The following FREM3 variants were observed in gnomAD, a reference collection of about 807,000 sequenced individuals.
FREM3 encodes FRAS1 related extracellular matrix 3, also known as FRAS1-related extracellular matrix protein 3.
FREM3 carries 105 observed loss-of-function variants against 129.1 expected under a neutral mutation model. That is an observed-to-expected ratio of 0.81 (90% CI 0.69 to 0.96). The LOEUF (loss-of-function observed/expected upper bound fraction) is 0.96, where lower values mean the gene tolerates loss of function less well. Among genes scored for constraint, FREM3 ranks in the 40% least tolerant of loss-of-function variants. FREM3 has a pLI of 0.00. For synonymous variants in FREM3, 1,014 were observed against 1,044.9 expected (o/e 0.97, Z 0.57); for missense variants, 2,593 against 2,666.3 (o/e 0.97, Z 0.61).
chr4:143,672,767 AT>A (rs1740022858), intron 2 of FREM3, among the ~76,000 whole-genome samples: 1 of 152,030 alleles, frequency 6.6e-6, no homozygotes, highest in Non-Finnish European at 1.5e-5. Context: ...ATAGTCCCAT[AT>A]TTCTTGGAGG....
At chr4:143,676,432 A>G (rs545880158) in intron 2 of FREM3, among the ~76,000 whole-genome samples, 1 of 152,302 alleles carries the variant, frequency 6.6e-6, no homozygotes, top group African/African-American at 2.4e-5. Context: ...CACAGCCAAT[A>G]TCATACTGAA....
rs867870539 is a variant in FREM3 at position 143,699,297 on chromosome 4, C to T, written c.1379G>A (p.Ser460Asn). ...CACCTCTTCCAGGTTATCTTTATCACTGATAGGAATGCTGTGGGTGCTGGA... is the reference window on the plus strand; with the variant it reads ...CACCTCTTCCAGGTTATCTTTATCATTGATAGGAATGCTGTGGGTGCTGGA... ...PLSSTHSIPI[S>N]DKDNLEEVKM... The change falls in exon 1 of 8, where the codon AGT becomes AAT. Residue 460 changes from serine to asparagine, a missense_variant. By Grantham distance (46) the Ser-to-Asn change is conservative. Around this residue, in one of 2 missense-constraint regions of FREM3, gnomAD observed 2,276 missense variants for 2,267.2 expected, o/e 1.00. Coordinates refer to ENST00000329798, the MANE Select transcript of FREM3 (RefSeq NM_001168235.2). The surrounding 1 kb of genome is among the most constrained non-coding windows in gnomAD (Gnocchi z 4.2). 4 of 1,537,390 alleles carry T rather than the reference C, an allele frequency of 2.6e-6. No individual in the cohort carries two copies. Among genetic ancestry groups the T allele is most frequent in the Non-Finnish European group, 3.5e-6 (4 of 1,146,956 alleles).
In FREM3 at chr4:143,632,751, G is replaced by T. The variant is rs542675676; in HGVS notation, c.5276-4991C>A. On this transcript the variant is annotated intron_variant, in intron 2 of 7. Coordinates refer to ENST00000329798, the MANE Select transcript of FREM3 (RefSeq NM_001168235.2). ...TTTGGCTTCCCTGGGCCACATTGGAGGAAGAAGAATTATCTTAGGTCATAC... is the reference window on the plus strand; with the variant it reads ...TTTGGCTTCCCTGGGCCACATTGGATGAAGAAGAATTATCTTAGGTCATAC... 3.9e-5 allele frequency among the ~76,000 whole-genome samples: 6 copies of T among 152,164 alleles called. No homozygotes were observed. The South Asian group carries it at 1.0e-3, about 26-fold the overall frequency.
chr4:143,592,709 A>G (rs976743375), intron 6 of FREM3, among the ~76,000 whole-genome samples: 18 of 152,032 alleles, frequency 1.2e-4, no homozygotes, highest in Non-Finnish European at 2.5e-4. Context: ...GAATCTGACA[A>G]TTATGTATCT....
chr4:143,586,377 G>A (rs556065828), intron 6 of FREM3, among the ~76,000 whole-genome samples: 1 of 152,258 alleles, frequency 6.6e-6, no homozygotes, highest in South Asian at 2.1e-4. Context: ...TTTTTTGGCA[G>A]GGAGAAAATT....
chr4:143,637,532 T>G (rs1292979928), intron 2 of FREM3, among the ~76,000 whole-genome samples: 1 of 152,120 alleles, frequency 6.6e-6, no homozygotes, highest in Non-Finnish European at 1.5e-5. Context: ...CACTTCTATT[T>G]ATTCAACTGT....
intron 2 of FREM3, among the ~76,000 whole-genome samples, chr4:143,660,031 T>C (rs1739678182): frequency 1.3e-5 from 2 of 149,286 alleles, no homozygotes; most frequent in South Asian, 2.1e-4. Flanking sequence ...ATTTTGTAGG[T>C]TGCCTGTTCA....
At chr4:143,693,345 T>A in intron 1 of FREM3, 143 bp from the exon 2 acceptor site, 1 of 444,284 alleles carries the variant, frequency 2.3e-6, no homozygotes, top group Non-Finnish European at 3.9e-6. Flanking sequence ...TGAATCTTCT[T>A]AAAGCTACAA....
chr4:143,601,256 C>T (rs1738567406), intron 6 of FREM3, among the ~76,000 whole-genome samples: 1 of 152,088 alleles, frequency 6.6e-6, no homozygotes, highest in African/African-American at 2.4e-5. Context: ...CTGATTTCAC[C>T]AAAATGACAC....
chr4:143,645,151 G>A (rs918917145), intron 2 of FREM3: 3 of 152,210 alleles, frequency 2.0e-5, no homozygotes, highest in African/African-American at 4.8e-5. Flanking sequence ...TGCTCCGTGA[G>A]GATGGTAAGA....
At chr4:143,678,539 A>G (rs1243162518) in intron 2 of FREM3, among the ~76,000 whole-genome samples, 2 of 151,342 alleles carry the variant, frequency 1.3e-5, no homozygotes, top group African/African-American at 4.9e-5. Flanking sequence ...TGAAAGTATA[A>G]TAAAATATAT....
intron 2 of FREM3, among the ~76,000 whole-genome samples, chr4:143,663,413 C>T (rs1348244042): frequency 6.6e-6 from 1 of 152,122 alleles, no homozygotes; most frequent in Non-Finnish European, 1.5e-5. Flanking sequence ...ATATTGGCCC[C>T]CACTCTCTTC....
chr4:143,599,841 G>A (rs1738542685), intron 6 of FREM3, among the ~76,000 whole-genome samples: 1 of 152,218 alleles, frequency 6.6e-6, no homozygotes, highest in African/African-American at 2.4e-5. Flanking sequence ...CCAGGGTCTT[G>A]TTGATACTAG....
Position 143,627,170 on chromosome 4 carries a change from G to A in FREM3, c.5422+444C>T, listed in dbSNP as rs144817519. 4.3e-3 allele frequency among the ~76,000 whole-genome samples: 660 copies of A among 152,136 alleles called. 19 individuals are homozygous for A. Among genetic ancestry groups the A allele is most frequent in the Admixed American group, 0.04 (604 of 15,288 alleles). On this transcript the variant is annotated intron_variant, in intron 3 of 7. Transcript: ENST00000329798. ...TCCTCAAGGAATTTATAACCTACTA[G>A]CAAGGTTAAAACAATTATACATAAT...
At chr4:143,634,323 T>A (rs1739197200) in intron 2 of FREM3, among the ~76,000 whole-genome samples, 1 of 152,160 alleles carries the variant, frequency 6.6e-6, no homozygotes, top group Non-Finnish European at 1.5e-5. Flanking sequence ...AATAGAGAGC[T>A]AAATATATAT....
intron 3 of FREM3, among the ~76,000 whole-genome samples, chr4:143,626,048 A>G (rs1465827470): frequency 6.6e-6 from 1 of 152,118 alleles, no homozygotes; most frequent in Non-Finnish European, 1.5e-5. Flanking sequence ...TTTCTTCTGG[A>G]TCCTGTGGTT....
intron 7 of FREM3, 106 bp from the exon 8 acceptor site, chr4:143,577,958 C>T: frequency 1.7e-6 from 2 of 1,187,380 alleles, no homozygotes. Context: ...CACCTTTGTA[C>T]CCAACACTCT....
At chr4:143,587,174 C>T (rs1430143617) in intron 6 of FREM3, among the ~76,000 whole-genome samples, 1 of 152,156 alleles carries the variant, frequency 6.6e-6, no homozygotes. Flanking sequence ...ATTTGTGAGC[C>T]TCCATCTTTG....
Position 143,642,339 on chromosome 4 carries a change from G to C in FREM3, c.5276-14579C>G, listed in dbSNP as rs565906217. Among the ~76,000 whole-genome samples, 5 of 152,136 alleles carry C rather than the reference G, an allele frequency of 3.3e-5. No individual in the cohort carries two copies. The East Asian group carries it at 7.7e-4, about 23-fold the overall frequency. Reference sequence around the variant, plus strand: ...ATATAGCGAGTAGCCAAATAATCCTGAGCTTAAATAACAAATTTGGAGGCA... The same window carrying C: ...ATATAGCGAGTAGCCAAATAATCCTCAGCTTAAATAACAAATTTGGAGGCA... On this transcript the variant is annotated intron_variant, in intron 2 of 7. Coordinates refer to ENST00000329798, the MANE Select transcript of FREM3 (RefSeq NM_001168235.2).
Sources: allele counts gnomAD v4.1 joint callset (sites outside exome capture counted in the v4.1 genomes callset), GRCh38; gene constraint gnomAD v4.1.1; regional missense constraint gnomAD v4.1.1; non-coding constraint Gnocchi (gnomAD v3.1); transcripts MANE v1.5; gene names NCBI Gene and HGNC (gene_info 2026-07-23, HGNC 2026-07-21).